The following NTRK2 variants were observed in gnomAD, a reference collection of about 807,000 sequenced individuals.
NTRK2 encodes neurotrophic receptor tyrosine kinase 2.
A neutral mutation model predicts 94.5 loss-of-function variants in NTRK2; 13 were observed. The ratio of observed to expected loss-of-function variants is 0.14; its 90% confidence interval spans 0.09 to 0.22. The LOEUF (loss-of-function observed/expected upper bound fraction) is 0.22. Ranked by LOEUF, NTRK2 falls within the 10% of genes least tolerant of loss-of-function variation. NTRK2 has a pLI of 1.00. For missense variants in NTRK2, 639 were observed against 1,071.2 expected (o/e 0.60, Z 5.63); for synonymous variants, 372 against 407.4 (o/e 0.91, Z 1.05).
chr9:84,702,982 T>C (rs73482764), intron 4 of NTRK2, among the ~76,000 whole-genome samples: 212 of 152,382 alleles, frequency 1.4e-3, no homozygotes, highest in African/African-American at 5.0e-3. Flanking sequence ...GTCTTGTTGA[T>C]GCTTTGTCCA....
chr9:85,023,699 ACC>A lies in NTRK2; in HGVS notation c.*2264_*2265del. On this transcript the variant is annotated 3_prime_UTR_variant, in exon 19 of 19. Transcript: ENST00000277120. ...TGTGCATGTATGTATCATATTAAGG[ACC>A]CATGGTACTCTTAAAACACTGTAGA... 1 of 231,162 alleles carries A rather than the reference ACC, an allele frequency of 4.3e-6. No individual in the cohort carries two copies. Among genetic ancestry groups the A allele is most frequent in the South Asian group, 1.8e-4 (1 of 5,502 alleles). The allele number at this position is 231,162 out of a possible 1,614,324, so 14.3% of individuals were successfully genotyped here.
intron 12 of NTRK2, among the ~76,000 whole-genome samples, chr9:84,840,000 T>G (rs2074081891): frequency 6.6e-6 from 1 of 152,094 alleles, no homozygotes; most frequent in Admixed American, 6.6e-5. Context: ...CCTTCCTCCT[T>G]TCATTCCTCG....
At chr9:84,849,941 G>A (rs1266161749) in intron 12 of NTRK2, among the ~76,000 whole-genome samples, 2 of 152,206 alleles carry the variant, frequency 1.3e-5, no homozygotes, top group African/African-American at 4.8e-5. Flanking sequence ...GCTTGCGGAA[G>A]AGAGTACGGA....
At chr9:84,982,821 T>C (rs11140813) in intron 17 of NTRK2, among the ~76,000 whole-genome samples, 110,237 of 152,164 alleles carry the variant, frequency 0.72, 40,466 homozygotes, top group African/African-American at 0.8. Context: ...AAAGATATGA[T>C]ATATCCCAAG....
At chr9:84,724,413 G>T in intron 8 of NTRK2, 57 bp downstream of exon 8, 1 of 1,608,562 alleles carries the variant, frequency 6.2e-7, no homozygotes. Flanking sequence ...ACGTACCTAC[G>T]TTTGTTGCTG....
Position 84,744,999 on chromosome 9 carries a change from G to A in NTRK2, c.1222G>A (p.Gly408Arg), listed in dbSNP as rs748744999. The change falls in exon 11 of 19, where the codon GGG becomes AGG. Residue 408 changes from glycine (G) to arginine (R), a missense_variant. By Grantham distance (125) the Gly-to-Arg change is moderately radical. Around this residue, in one of 5 missense-constraint regions of NTRK2, gnomAD observed 343 missense variants for 571.5 expected, o/e 0.60. Transcript: ENST00000277120. ...EDYGTAANDI[G>R]DTTNRSNEIP... is the part of the protein sequence containing the mutation. ...TTATGGAACTGCAGCGAATGACATC[G>A]GGGACACCACGAACAGAAGTAATGA... The A allele has an allele frequency of 8.1e-6, 13 of 1,613,668 alleles. No individual in the cohort carries two copies. In the South Asian group the frequency reaches 1.1e-4, roughly 14 times the overall value.
At chr9:84,956,517 AT>A (rs1050592807) in intron 17 of NTRK2, among the ~76,000 whole-genome samples, 1 of 151,952 alleles carries the variant, frequency 6.6e-6, no homozygotes, top group African/African-American at 2.4e-5. Context: ...CCTCAATTTG[AT>A]TTTCTTGTGT....
At chr9:84,965,097 C>T (rs1035795246) in intron 17 of NTRK2, among the ~76,000 whole-genome samples, 2 of 152,150 alleles carry the variant, frequency 1.3e-5, no homozygotes, top group African/African-American at 2.4e-5. Context: ...TTATCTTAGC[C>T]TACTTGTTAC....
intron 12 of NTRK2, among the ~76,000 whole-genome samples, chr9:84,821,575 G>A (rs1057484901): frequency 2.0e-5 from 3 of 152,136 alleles, no homozygotes; most frequent in Non-Finnish European, 4.4e-5. Flanking sequence ...ATCCCAAAAG[G>A]TTGGTGTTCC....
intron 12 of NTRK2, among the ~76,000 whole-genome samples, chr9:84,795,299 G>A (rs1778927): frequency 0.65 from 98,331 of 151,914 alleles, 33,549 homozygotes; most frequent in Non-Finnish European, 0.74. Context: ...CAGACCTGCC[G>A]TGACCCCCAA....
At chr9:84,711,651 A>G (rs192322286) in intron 6 of NTRK2, among the ~76,000 whole-genome samples, 2 of 152,360 alleles carry the variant, frequency 1.3e-5, no homozygotes, top group African/African-American at 4.8e-5. Flanking sequence ...TCTTGTGCAC[A>G]AGGAATCTGT....
chr9:84,953,377 C>G (rs1169200334), intron 16 of NTRK2, among the ~76,000 whole-genome samples: 1 of 152,254 alleles, frequency 6.6e-6, no homozygotes, highest in African/African-American at 2.4e-5. Context: ...GTCCTCCTCA[C>G]ATCAATGCCC....
intron 16 of NTRK2, among the ~76,000 whole-genome samples, chr9:84,952,174 C>T (rs1385705940): frequency 1.3e-5 from 2 of 152,224 alleles, no homozygotes; most frequent in Non-Finnish European, 2.9e-5. Context: ...GTTGGGGAAA[C>T]TGAATCACAC....
chr9:84,707,788 G>A, intron 4 of NTRK2, 56 bp from the exon 5 acceptor site: 1 of 1,298,400 alleles, frequency 7.7e-7, no homozygotes, highest in South Asian at 1.2e-5. Context: ...TTTGAATACT[G>A]TGTTCCTAAA....
intron 14 of NTRK2, among the ~76,000 whole-genome samples, chr9:84,900,283 G>A (rs1587869440): frequency 6.6e-6 from 1 of 152,246 alleles, no homozygotes; most frequent in Middle Eastern, 3.4e-3. Flanking sequence ...CTAGTTCAAG[G>A]TCTCACAGGT....
chr9:84,794,496 T>C (rs1050752365), intron 12 of NTRK2, among the ~76,000 whole-genome samples: 1 of 152,236 alleles, frequency 6.6e-6, no homozygotes, highest in Non-Finnish European at 1.5e-5. Flanking sequence ...TGAGTTTTTA[T>C]TGGCTGTTTG....
intron 2 of NTRK2, among the ~76,000 whole-genome samples, chr9:84,687,737 G>T (rs2059802685): frequency 6.6e-6 from 1 of 152,134 alleles, no homozygotes; most frequent in Admixed American, 6.5e-5. Context: ...TCATTCATTT[G>T]GTTACTCAAT....
chr9:84,964,070 T>G (rs768026517), intron 17 of NTRK2, among the ~76,000 whole-genome samples: 9 of 152,244 alleles, frequency 5.9e-5, no homozygotes, highest in Admixed American at 5.9e-4. Context: ...TTCCGTTGAT[T>G]GAGTTTTCTC....
intron 11 of NTRK2, among the ~76,000 whole-genome samples, chr9:84,747,388 G>C (rs529408160): frequency 6.6e-6 from 1 of 150,826 alleles, no homozygotes; most frequent in African/African-American, 2.4e-5. Context: ...CTTGGTGTAA[G>C]AAAGTTGTTT....
Sources: gnomAD v4.1 joint callset for allele counts (sites outside exome capture counted in the v4.1 genomes callset) on GRCh38, gnomAD v4.1.1 for gene constraint, gnomAD v4.1.1 regional missense constraint, MANE v1.5 for transcripts, NCBI Gene and HGNC (gene_info 2026-07-23, HGNC 2026-07-21) for gene names.